Variants in HEATR5B observed in about 807,000 individuals in gnomAD.
HEATR5B encodes the protein HEAT repeat containing 5B.
HEATR5B carries 156 observed loss-of-function variants against 224.1 expected under a neutral mutation model. The observed-to-expected ratio is 0.70, with a 90% CI of 0.61 to 0.80. HEATR5B has a LOEUF of 0.80. Among genes scored for constraint, HEATR5B ranks in the 30% least tolerant of loss-of-function variants. The pLI, the probability that HEATR5B is intolerant of heterozygous loss-of-function variation, is 0.00. For missense variants in HEATR5B, 2,323 were observed against 2,535.5 expected (o/e 0.92, Z 1.80); for synonymous variants, 1,027 against 893.0 (o/e 1.15, Z -2.68).
rs1667039267 is a variant in HEATR5B at position 37,000,754 on chromosome 2, CTG to C, written c.5375_5376del (p.Thr1792SerfsTer7). ...LFLIARILKD[T>X]AIKSADNQVP... ...ACCTGATTATCTGCAGACTTTATTG[CTG>C]TGTCTTTCAATATTCTTGCAATTAA... On this transcript the variant is annotated frameshift_variant, in exon 33 of 36. Transcript: ENST00000233099. LOFTEE classifies it high-confidence loss of function. 3.1e-6 allele frequency: 5 copies of C among 1,614,002 alleles called. No individual in the cohort carries two copies. The Admixed American group carries it at 6.7e-5, about 22-fold the overall frequency.
At position 37,064,964 on chromosome 2, in the gene HEATR5B, G is replaced by T. The variant is rs767716853; in HGVS notation, c.1360C>A (p.Leu454Met). The T allele has an allele frequency of 1.1e-5, 18 of 1,613,990 alleles. No homozygotes were observed. The South Asian group carries it at 2.0e-4, about 18-fold the overall frequency. Residue 454 changes from leucine (L) to methionine (M), a missense_variant, in exon 10 of 36, where the codon CTG (leucine) becomes ATG (methionine). This residue lies in a region of HEATR5B where 502 missense variants were observed against 517.8 expected (regional missense o/e 0.97). Transcript: ENST00000233099. ...IGLLEIVTSV[L>M]LHPSMAARLA... ...CGGGCAGCCATGCTTGGATGAAGCA[G>T]CACTGAAGTCACAATCTCCAAAAGC...
intron 2 of HEATR5B, among the ~76,000 whole-genome samples, chr2:37,081,407 G>A (rs1010738119): frequency 1.3e-5 from 2 of 152,074 alleles, no homozygotes; most frequent in Non-Finnish European, 2.9e-5. Context: ...AACAACAACA[G>A]GAACAATAAC....
intron 35 of HEATR5B, 37 bp downstream of exon 35, chr2:36,988,609 A>T: frequency 6.6e-7 from 1 of 1,516,762 alleles, no homozygotes; most frequent in Non-Finnish European, 9.1e-7. Flanking sequence ...ACAGATCTTC[A>T]TTCTGAACTA....
chr2:37,012,395 T>C (rs947997190), intron 27 of HEATR5B, among the ~76,000 whole-genome samples: 1 of 148,006 alleles, frequency 6.8e-6, no homozygotes, highest in Non-Finnish European at 1.5e-5. Flanking sequence ...ATTAATTAAA[T>C]TTTTTTTTTT....
At chr2:37,024,892 G>T (rs768759388) in intron 24 of HEATR5B, among the ~76,000 whole-genome samples, 16 of 152,128 alleles carry the variant, frequency 1.1e-4, no homozygotes, top group Non-Finnish European at 1.9e-4. Context: ...CTTCCTCAAA[G>T]CAAGACCTCC....
At chr2:37,065,251 C>T (rs1671519313) in intron 9 of HEATR5B, among the ~76,000 whole-genome samples, 1 of 152,016 alleles carries the variant, frequency 6.6e-6, no homozygotes, top group Admixed American at 6.6e-5. Flanking sequence ...TATAAAAAAA[C>T]TACCACAATT....
At chr2:37,050,939 A>T (rs185695188) in intron 17 of HEATR5B, among the ~76,000 whole-genome samples, 16 of 152,028 alleles carry the variant, frequency 1.1e-4, no homozygotes, top group African/African-American at 2.9e-4. Flanking sequence ...TACTCAGCAG[A>T]CTTAGGCAGG....
At chr2:37,079,076 GA>G (rs1245014757) in intron 3 of HEATR5B, 43 bp downstream of exon 3, 3 of 1,272,866 alleles carry the variant, frequency 2.4e-6, no homozygotes, top group Non-Finnish European at 3.3e-6. Flanking sequence ...TTCCTTGAAA[GA>G]AAAAATAAAA....
At chr2:37,068,985 C>T in intron 7 of HEATR5B, 55 bp from the exon 8 acceptor site, 1 of 1,537,286 alleles carries the variant, frequency 6.5e-7, no homozygotes, top group South Asian at 1.2e-5. Context: ...GAACAGAAAT[C>T]AAAGATAAAG....
chr2:37,062,581 C>G (rs1671352668), intron 10 of HEATR5B, among the ~76,000 whole-genome samples: 2 of 152,208 alleles, frequency 1.3e-5, no homozygotes, highest in African/African-American at 4.8e-5. Context: ...AATGCCATCT[C>G]TGCCATTTAC....
intron 35 of HEATR5B, among the ~76,000 whole-genome samples, chr2:36,985,621 CTTTT>C (rs558499229): frequency 0.31 from 28,570 of 92,916 alleles, 4,243 homozygotes; most frequent in East Asian, 0.69. Context: ...CCACTCCTGG[CTTTT>C]TTTTTTTTTT....
intron 26 of HEATR5B, among the ~76,000 whole-genome samples, chr2:37,016,437 T>C (rs1196810253): frequency 6.6e-6 from 1 of 151,784 alleles, no homozygotes; most frequent in Non-Finnish European, 1.5e-5. Flanking sequence ...TCATCTGAAA[T>C]CCTTGGACCA....
At chr2:36,999,238 A>C (rs1666928129) in intron 33 of HEATR5B, among the ~76,000 whole-genome samples, 1 of 152,000 alleles carries the variant, frequency 6.6e-6, no homozygotes, top group Non-Finnish European at 1.5e-5. Flanking sequence ...AAAAACAAAA[A>C]CACCCGAAAA....
chr2:37,067,511 G>A (rs1260092812), intron 8 of HEATR5B, among the ~76,000 whole-genome samples: 4 of 152,154 alleles, frequency 2.6e-5, no homozygotes, highest in South Asian at 2.1e-4. Context: ...GCTCATACCT[G>A]TAATCCCAGC....
intron 23 of HEATR5B, 24 bp downstream of exon 23, chr2:37,028,657 T>C: frequency 6.2e-7 from 1 of 1,603,902 alleles, no homozygotes; most frequent in Non-Finnish European, 8.5e-7. Flanking sequence ...TCCATTATTT[T>C]AAGAACGCAC....
Position 37,003,567 on chromosome 2 carries a change from A to G in HEATR5B, c.5025T>C (p.Tyr1675=). The part of the protein sequence containing the change: ...VQQIVRAAQD[Y]LQEKRNTLNE... ...TTAGAGTGTTTCTTTTCTCTTGCAA[A>G]TAATCCTGAGCAGCTCTTACTATCT... The change falls in exon 31 of 36, where the codon TAT becomes TAC. Residue 1675 remains tyrosine (Y), a synonymous_variant. Transcript: ENST00000233099. The G allele has an allele frequency of 6.2e-7, 1 of 1,609,052 alleles. No homozygotes were observed.
intron 26 of HEATR5B, among the ~76,000 whole-genome samples, chr2:37,018,971 C>G (rs1668294515): frequency 6.6e-6 from 1 of 151,982 alleles, no homozygotes; most frequent in African/African-American, 2.4e-5. Flanking sequence ...ACCAGCCTGA[C>G]CAACATGGTG....
intron 1 of HEATR5B, 102 bp from the exon 2 acceptor site, chr2:37,083,538 AT>A: frequency 2.4e-6 from 2 of 829,824 alleles, no homozygotes; most frequent in African/African-American, 3.5e-5. Context: ...TACTCATTTC[AT>A]TTGGGGAAAA....
At chr2:37,080,750 A>G (rs1267234155) in intron 2 of HEATR5B, among the ~76,000 whole-genome samples, 1 of 151,992 alleles carries the variant, frequency 6.6e-6, no homozygotes, top group Non-Finnish European at 1.5e-5. Flanking sequence ...CAATTAGATG[A>G]TATCACTGAA....
Sources: gnomAD v4.1 joint callset for allele counts (sites outside exome capture counted in the v4.1 genomes callset) on GRCh38, gnomAD v4.1.1 for gene constraint, gnomAD v4.1.1 regional missense constraint, MANE v1.5 for transcripts, NCBI Gene and HGNC (gene_info 2026-07-23, HGNC 2026-07-21) for gene names.